Variants in DACT3 observed in about 807,000 individuals in gnomAD.
The protein encoded by DACT3 is dishevelled binding antagonist of beta catenin 3.
DACT3 carries 5 observed loss-of-function variants against 19.6 expected under a neutral mutation model. That is an observed-to-expected ratio of 0.26 (90% confidence interval 0.13 to 0.54). The LOEUF (loss-of-function observed/expected upper bound fraction) is 0.54. Ranked by LOEUF, DACT3 falls within the 20% of genes least tolerant of loss-of-function variation. The probability of loss-of-function intolerance (pLI) is 0.95; values close to 1 mark genes in which losing one functional copy is unlikely to be tolerated. For missense variants in DACT3, 908 were observed against 927.4 expected, an observed-to-expected ratio of 0.98 and a Z score of 0.27; for synonymous variants, 454 against 428.1, an observed-to-expected ratio of 1.06 and a Z score of -0.75.
intron 1 of DACT3, chr19:46,653,977 A>G: frequency 5.1e-6 from 5 of 985,166 alleles, no homozygotes; most frequent in South Asian, 4.7e-5. Flanking sequence ...CCATATGGGT[A>G]AAATAGGCTG....
rs2052931510 is a variant in DACT3 at position 46,647,630 on chromosome 19, T to A, written c.*852A>T. ...CACCACATATGTTACACTGTGCATT[T>A]ATTTACAAAGAGGTTAGAGAAACAC... On this transcript the variant is annotated 3_prime_UTR_variant, in exon 4 of 4. Transcript: ENST00000391916. 6.6e-6 allele frequency: 1 copy of A among 152,638 alleles called. No individual in the cohort carries two copies. Among genetic ancestry groups the A allele is most frequent in the African/African-American group, 2.4e-5 (1 of 41,458 alleles). 9.5% of individuals were successfully genotyped at this position (152,638 alleles called of 1,614,324 possible).
At position 46,648,438 on chromosome 19, in the gene DACT3, A is replaced by G. The variant is rs187523135; in HGVS notation, c.*44T>C. 5.0e-6 allele frequency: 8 copies of G among 1,613,140 alleles called. No homozygotes were observed. Among genetic ancestry groups the G allele is most frequent in the Middle Eastern group, 1.6e-4 (1 of 6,062 alleles). Reference sequence around the variant, plus strand: ...GAAGGGTCAGTGGTTGGGAGTGTGGAGGTGCAGAGGCCATGAAGGGGGAGC... The same window carrying G: ...GAAGGGTCAGTGGTTGGGAGTGTGGGGGTGCAGAGGCCATGAAGGGGGAGC... On this transcript the variant is annotated 3_prime_UTR_variant, in exon 4 of 4. Coordinates refer to ENST00000391916, the MANE Select transcript of DACT3 (RefSeq NM_145056.3). This position sits in a 1 kb window ranked among gnomAD's most constrained non-coding sequence, Gnocchi z 5.1.
At chr19:46,657,484 G>C (rs917163537) in intron 1 of DACT3, among the ~76,000 whole-genome samples, 1 of 149,736 alleles carries the variant, frequency 6.7e-6, no homozygotes, top group African/African-American at 2.5e-5. Context: ...CTCCCGAGTA[G>C]CTGGGACTAC....
In DACT3 at chr19:46,660,669, G is replaced by C; in HGVS notation, c.249+147C>G. On this transcript the variant is annotated intron_variant, in intron 1 of 3. Coordinates refer to ENST00000391916, the MANE Select transcript of DACT3 (RefSeq NM_145056.3). The surrounding 1 kb of genome is among the most constrained non-coding windows in gnomAD (Gnocchi z 4.9). The stretch of plus-strand genomic sequence containing the variant: ...GGAGGCCAGGTCCGGCCCGCCGCCG[G>C]AACTCCGGGGTCGCCAGCCCCACCC... 1.5e-6 allele frequency: 2 copies of C among 1,365,074 alleles called. No individual in the cohort carries two copies. Among genetic ancestry groups the C allele is most frequent in the African/African-American group, 3.1e-5 (2 of 65,084 alleles). 84.6% of individuals were successfully genotyped at this position (1,365,074 alleles called of 1,614,324 possible).
At chr19:46,652,890 G>T (rs547603282) in intron 2 of DACT3, 78 bp from the exon 3 acceptor site, 3 of 1,540,396 alleles carry the variant, frequency 1.9e-6, no homozygotes, top group Admixed American at 4.0e-5. Flanking sequence ...AGGAGATGGC[G>T]TGGGGAGAGA....
intron 1 of DACT3, among the ~76,000 whole-genome samples, chr19:46,655,348 A>G (rs1364739618): frequency 6.6e-6 from 1 of 152,150 alleles, no homozygotes. Flanking sequence ...TCGGTGGCTC[A>G]CGCCTGTAAT....
In DACT3 at chr19:46,647,913, C is replaced by T. The variant is rs1415890130; in HGVS notation, c.*569G>A. ...GTGTTACCAACCCCTACTTGACCCT[C>T]AAAACCCCCAAATCAGTGCTCCTTC... On this transcript the variant is annotated 3_prime_UTR_variant, in exon 4 of 4. Coordinates refer to ENST00000391916, the MANE Select transcript of DACT3 (RefSeq NM_145056.3). The T allele has an allele frequency of 6.5e-6, 1 of 153,282 alleles. No individual in the cohort carries two copies. Among genetic ancestry groups the T allele is most frequent in the Non-Finnish European group, 1.5e-5 (1 of 68,564 alleles). The allele number at this position is 153,282 out of a possible 1,614,324, so 9.5% of individuals were successfully genotyped here.
chr19:46,652,578 G>T, intron 3 of DACT3, 82 bp downstream of exon 3: 2 of 1,412,630 alleles, frequency 1.4e-6, no homozygotes, highest in Non-Finnish European at 1.9e-6. Flanking sequence ...TGGAATCCAG[G>T]CCCGATTCGG....
Position 46,660,843 on chromosome 19 carries a change from C to A in DACT3, c.222G>T (p.Arg74=). Residue 74 remains arginine, a synonymous_variant, in exon 1 of 4, where the codon CGG becomes CGT. Coordinates refer to ENST00000391916, the MANE Select transcript of DACT3 (RefSeq NM_145056.3). This position sits in a 1 kb window ranked among gnomAD's most constrained non-coding sequence, Gnocchi z 4.9. Reference sequence around the variant, plus strand: ...GCTGCTCCTCCAGGGCCGCTGCGGCCCGGCGCGCCGCCGCCGCATCTTCAT... The same window carrying A: ...GCTGCTCCTCCAGGGCCGCTGCGGCACGGCGCGCCGCCGCCGCATCTTCAT... ...DEDEDAAAAR[R]AAAALEEQLE... is the part of the protein sequence containing the mutation. 1 of 1,518,982 alleles carries A rather than the reference C, an allele frequency of 6.6e-7. No homozygotes were observed. The allele number at this position is 1,518,982 out of a possible 1,614,324, so 94.1% of individuals were successfully genotyped here. A position where few individuals can be genotyped will look rare whatever the true frequency, so the allele number is the denominator to read the frequency against.
chr19:46,649,099 G>C lies in DACT3; in HGVS notation c.1273C>G (p.Gln425Glu). 1 of 1,298,390 alleles carries C rather than the reference G, an allele frequency of 7.7e-7. No homozygotes were observed. The allele number at this position is 1,298,390 out of a possible 1,614,324, so 80.4% of individuals were successfully genotyped here. Reference protein sequence around the residue: ...SPRARKASRSQSETSLLGRAS... With the variant: ...SPRARKASRSESETSLLGRAS... ...CGGCCCAGCAGGCTGGTCTCAGACT[G>C]GGAGCGCGAGGCCTTGCGGGCCCTG... The change falls in exon 4 of 4, where the codon CAG (glutamine) becomes GAG (glutamate). Residue 425 changes from glutamine (Q) to glutamate (E), a missense_variant. Transcript: ENST00000391916.
In DACT3 at chr19:46,648,981, G is replaced by A; in HGVS notation, c.1391C>T (p.Thr464Met). 1 of 1,286,198 alleles carries A rather than the reference G, an allele frequency of 7.8e-7. No individual in the cohort carries two copies. The highest frequency in any genetic ancestry group is 3.0e-4 in the Middle Eastern group (1 of 3,352). The allele number at this position is 1,286,198 out of a possible 1,614,324, so 79.7% of individuals were successfully genotyped here. ...GGACCCTGCGGCCTGGGCCGCCAGC[G>A]TGGGCGCTGGGCCGCGGCGTGGCCG... ...PPRPRRGPAP[T>M]LAAQAAGSCR... Residue 464 changes from threonine to methionine, a missense_variant, in exon 4 of 4, where the codon ACG (threonine) becomes ATG (methionine). Transcript: ENST00000391916. This position sits in a 1 kb window ranked among gnomAD's most constrained non-coding sequence, Gnocchi z 5.1.
intron 1 of DACT3, chr19:46,659,108 C>G: frequency 1.0e-6 from 1 of 984,964 alleles, no homozygotes; most frequent in Non-Finnish European, 1.2e-6. Flanking sequence ...AGCCCTAATC[C>G]ACTCTTCAGA....
Position 46,660,791 on chromosome 19 carries a change from G to C in DACT3, c.249+25C>G, listed in dbSNP as rs1183914752. The C allele has an allele frequency of 1.4e-6, 2 of 1,465,244 alleles. No individual in the cohort carries two copies. The highest frequency in any genetic ancestry group is 1.8e-6 in the Non-Finnish European group (2 of 1,113,574). The allele number at this position is 1,465,244 out of a possible 1,614,324, so 90.8% of individuals were successfully genotyped here. ...AGACAGACACAGACGGGGGTGGAGG[G>C]ACGGACGGACAGGCAGCCCCTTACC... On this transcript the variant is annotated intron_variant, in intron 1 of 3. Transcript: ENST00000391916. The surrounding 1 kb of genome is among the most constrained non-coding windows in gnomAD (Gnocchi z 4.9).
At chr19:46,656,729 A>G (rs1223179853) in intron 1 of DACT3, among the ~76,000 whole-genome samples, 1 of 152,238 alleles carries the variant, frequency 6.6e-6, no homozygotes, top group Admixed American at 6.5e-5. Context: ...AAACGGAATG[A>G]GTCAAATTTC....
At chr19:46,657,393 G>A (rs1439023468) in intron 1 of DACT3, among the ~76,000 whole-genome samples, 8 of 119,362 alleles carry the variant, frequency 6.7e-5, no homozygotes, top group Non-Finnish European at 9.6e-5. Flanking sequence ...TTGCTCTGTC[G>A]CCCAGGCTGG....
In DACT3 at chr19:46,653,703, G is replaced by A. The variant is rs150336152; in HGVS notation, c.250-628C>T. 8.5e-3 allele frequency among the ~76,000 whole-genome samples: 1,291 copies of A among 152,006 alleles called. 24 individuals are homozygous for A. The highest frequency in any genetic ancestry group is 0.029 in the African/African-American group (1,185 of 41,454). On this transcript the variant is annotated intron_variant, in intron 1 of 3. Transcript: ENST00000391916. ...TGAGTAGCTGGGATTACAGGCGCCC[G>A]CCACCACGCCCAGATAATTTTTGTG...
chr19:46,649,870 C>T lies in DACT3; in HGVS notation c.502G>A (p.Asp168Asn). The change falls in exon 4 of 4, where the codon GAC (aspartate) becomes AAC (asparagine). Residue 168 changes from aspartate to asparagine, a missense_variant and splice_region_variant. Transcript: ENST00000391916. ...ACCTCCGGAGCGCTGGGACTGGCGT[C>T]TCCTAGGGAAGGAAGGCCAAAAAAA... ...YASERPKSLG[D>N]ASPSAPEVVG... 1 of 1,371,582 alleles carries T rather than the reference C, an allele frequency of 7.3e-7. No homozygotes were observed. Among genetic ancestry groups the T allele is most frequent in the Non-Finnish European group, 9.3e-7 (1 of 1,071,908 alleles). 85.0% of individuals were successfully genotyped at this position (1,371,582 alleles called of 1,614,324 possible).
Position 46,656,933 on chromosome 19 carries a change from GT to G in DACT3, c.250-3859del, listed in dbSNP as rs544177528. 1.4e-4 allele frequency among the ~76,000 whole-genome samples: 22 copies of G among 152,328 alleles called. No individual in the cohort carries two copies. In the South Asian group the frequency reaches 3.1e-3, roughly 21 times the overall value. On this transcript the variant is annotated intron_variant, in intron 1 of 3. Coordinates refer to ENST00000391916, the MANE Select transcript of DACT3 (RefSeq NM_145056.3). ...TGGCTAACAAGTTCCATGTCATGTG[GT>G]GCTGCTGGCTAGGAGGCCACACTTT...
In DACT3 at chr19:46,660,737, C is replaced by T; in HGVS notation, c.249+79G>A. 7.1e-7 allele frequency: 1 copy of T among 1,400,782 alleles called. No homozygotes were observed. The highest frequency in any genetic ancestry group is 3.1e-5 in the Admixed American group (1 of 31,840). 86.8% of individuals were successfully genotyped at this position (1,400,782 alleles called of 1,614,324 possible). A position where few individuals can be genotyped will look rare whatever the true frequency, so the allele number is the denominator to read the frequency against. ...CCTGCCTACCCGGGTCCCCAACCCCCGCCCGGTGTCTGAGCATCCAACCGA... is the reference window on the plus strand; with the variant it reads ...CCTGCCTACCCGGGTCCCCAACCCCTGCCCGGTGTCTGAGCATCCAACCGA... On this transcript the variant is annotated intron_variant, in intron 1 of 3. Coordinates refer to ENST00000391916, the MANE Select transcript of DACT3 (RefSeq NM_145056.3). The surrounding 1 kb of genome is among the most constrained non-coding windows in gnomAD (Gnocchi z 4.9).
Sources: allele counts gnomAD v4.1 joint callset (sites outside exome capture counted in the v4.1 genomes callset), GRCh38; gene constraint gnomAD v4.1.1; non-coding constraint Gnocchi (gnomAD v3.1); transcripts MANE v1.5; gene names NCBI Gene and HGNC (gene_info 2026-07-23, HGNC 2026-07-21).